OR10D3: variants seen among roughly 807,000 people sequenced by gnomAD.
The protein encoded by OR10D3 is olfactory receptor 10D3.
For missense variants in OR10D3, 286 were observed against 153.7 expected, an observed-to-expected ratio of 1.86 and a Z score of -4.55; for synonymous variants, 100 against 57.6, an observed-to-expected ratio of 1.74 and a Z score of -3.33.
At position 124,185,413 on chromosome 11, in the gene OR10D3, T is replaced by C. The variant is rs748556047; in HGVS notation, c.144T>C (p.Ala48=). 7 of 703,176 alleles carry C rather than the reference T, an allele frequency of 1.0e-5. No homozygotes were observed. In the South Asian group the frequency reaches 1.0e-4, roughly 10 times the overall value. The allele number at this position is 703,176 out of a possible 1,614,324, so 43.6% of individuals were successfully genotyped here. Residue 48 remains alanine (A), a synonymous_variant, in exon 2 of 2, where the codon GCT becomes GCC. Transcript: ENST00000641351. ...TGGGAAATGTGTCTATCCTTGTTGCTGTTATGTCTTCTGCTCGCCTTCACA... is the reference window on the plus strand; with the variant it reads ...TGGGAAATGTGTCTATCCTTGTTGCCGTTATGTCTTCTGCTCGCCTTCACA...
exon 2 of OR10D3, chr11:124,186,269 C>T (rs2137699776): frequency 1.6e-6 from 1 of 626,488 alleles, no homozygotes; most frequent in Admixed American, 2.6e-5. Context: ...TAAGAAATTT[C>T]ATTCTGGAAT....
rs570536277 is a variant in OR10D3 at position 124,185,082 on chromosome 11, A to C, written c.-11-177A>C. ...ATTTGCTACAGAAATGTAGTTGGCTATGGCGGTTACATTCCAAGGATAATG... is the reference window on the plus strand; with the variant it reads ...ATTTGCTACAGAAATGTAGTTGGCTCTGGCGGTTACATTCCAAGGATAATG... On this transcript the variant is annotated intron_variant, in intron 1 of 1. Transcript: ENST00000641351. The C allele has an allele frequency of 7.0e-6, 4 of 569,194 alleles. No individual in the cohort carries two copies. The East Asian group carries it at 1.1e-4, about 16-fold the overall frequency. 35.3% of individuals were successfully genotyped at this position (569,194 alleles called of 1,614,324 possible).
At chr11:124,183,574 C>CCCTCCCTA (rs1303767824) in intron 1 of OR10D3, among the ~76,000 whole-genome samples, 191 bp downstream of exon 1, 68 of 137,282 alleles carry the variant, frequency 5.0e-4, no homozygotes, top group Non-Finnish European at 4.9e-4. Context: ...CTCCCTCCCT[C>CCCTCCCTA]CCTCCCTGAG....
At chr11:124,185,992 C>T (rs1472175899) in exon 2 of OR10D3, 7 of 703,450 alleles carry the variant, frequency 1.0e-5, no homozygotes, top group South Asian at 3.0e-5. Flanking sequence ...TCTCCACCTG[C>T]AGTGCTCACC....
intron 1 of OR10D3, chr11:124,184,283 A>G (rs1861194881): frequency 1.3e-5 from 2 of 152,224 alleles, no homozygotes; most frequent in Admixed American, 6.5e-5. Context: ...CTTGCCAGGC[A>G]TTGAGTGAGT....
At chr11:124,183,820 C>G (rs528728393) in intron 1 of OR10D3, among the ~76,000 whole-genome samples, 1 of 152,250 alleles carries the variant, frequency 6.6e-6, no homozygotes, top group Admixed American at 6.5e-5. Context: ...GAGCATGGAT[C>G]TACTGGCCAG....
intron 1 of OR10D3, 171 bp from the exon 2 acceptor site, chr11:124,185,088 G>T (rs770789167): frequency 1.8e-6 from 1 of 571,224 alleles, no homozygotes; most frequent in African/African-American, 1.9e-5. Flanking sequence ...GGCTATGGCG[G>T]TTACATTCCA....
chr11:124,185,585 T>G, exon 2 of OR10D3: 1 of 703,538 alleles, frequency 1.4e-6, no homozygotes, highest in Non-Finnish European at 2.6e-6. Context: ...CTTCTTCCAT[T>G]TCCTCGGGAG....
exon 2 of OR10D3, chr11:124,186,517 C>CTTTTTTA (rs1861228355): frequency 1.4e-5 from 1 of 73,192 alleles, no homozygotes. Context: ...TTTTTTTTTG[C>CTTTTTTA]ATCACTTTTC....
exon 2 of OR10D3, chr11:124,185,717 C>T (rs1357630568): frequency 5.7e-6 from 4 of 703,494 alleles, no homozygotes; most frequent in Non-Finnish European, 1.0e-5. Flanking sequence ...GGGCACATGG[C>T]TGTTAGGGTG....
At chr11:124,184,279 A>G (rs1324579194) in intron 1 of OR10D3, 1 of 152,228 alleles carries the variant, frequency 6.6e-6, no homozygotes, top group Non-Finnish European at 1.5e-5. Flanking sequence ...AATTCTTGCC[A>G]GGCATTGAGT....
chr11:124,188,086 T>C (rs988410992), exon 2 of OR10D3: 1 of 152,158 alleles, frequency 6.6e-6, no homozygotes, highest in Non-Finnish European at 1.5e-5. Context: ...CCCACTCTTA[T>C]GAAGGAAATG....
At chr11:124,187,459 C>T (rs2137700771) in exon 2 of OR10D3, 1 of 152,320 alleles carries the variant, frequency 6.6e-6, no homozygotes. Flanking sequence ...AAGACAGAGA[C>T]ACTCAGCATT....
chr11:124,188,620 A>G (rs1424040525), exon 2 of OR10D3: 1 of 152,182 alleles, frequency 6.6e-6, no homozygotes, highest in Non-Finnish European at 1.5e-5. Flanking sequence ...TTCGCCTTCT[A>G]AGGATTCATA....
chr11:124,185,752 C>G, exon 2 of OR10D3: 1 of 703,662 alleles, frequency 1.4e-6, no homozygotes, highest in South Asian at 1.5e-5. Flanking sequence ...TCTTGACCTC[C>G]CTCACCTTCA....
At chr11:124,183,584 G>A (rs1297925822) in intron 1 of OR10D3, among the ~76,000 whole-genome samples, 1 of 91,384 alleles carries the variant, frequency 1.1e-5, no homozygotes, top group African/African-American at 4.4e-5. Flanking sequence ...CCCTCCCTGA[G>A]TCTCACTCTG....
rs182186332 is a variant in OR10D3 at position 124,184,464 on chromosome 11, A to G, written c.-11-795A>G. Among the ~76,000 whole-genome samples the G allele has an allele frequency of 4.6e-5, 7 of 152,292 alleles. No individual in the cohort carries two copies. In the East Asian group the frequency reaches 1.4e-3, roughly 29 times the overall value. ...CATTGCTTACTAAGGAGGAGGAGGA[A>G]CAACATTTTAAGAGCCTGGTGATGT... On this transcript the variant is annotated intron_variant, in intron 1 of 1. Coordinates refer to ENST00000641351, the Ensembl canonical transcript of OR10D3.
exon 2 of OR10D3, chr11:124,185,920 C>G (rs1276062710): frequency 1.4e-6 from 1 of 703,100 alleles, no homozygotes; most frequent in African/African-American, 1.7e-5. Context: ...TTCTTTTATC[C>G]TACACTAGAA....
chr11:124,186,460 A>C, exon 2 of OR10D3: 1 of 282,586 alleles, frequency 3.5e-6, no homozygotes, highest in Non-Finnish European at 6.5e-6. Flanking sequence ...TTCTATAGAG[A>C]ATTGCCTGTC....
Sources: allele counts gnomAD v4.1 joint callset (sites outside exome capture counted in the v4.1 genomes callset), GRCh38; gene constraint gnomAD v4.1.1; transcripts MANE v1.5; gene names NCBI Gene and HGNC (gene_info 2026-07-23, HGNC 2026-07-21).